The following C7orf33 variants were observed in gnomAD, a reference collection of about 807,000 sequenced individuals.
C7orf33 encodes the protein chromosome 7 open reading frame 33, also known as uncharacterized protein C7orf33.
A neutral mutation model predicts 13.4 loss-of-function variants in C7orf33; 15 were observed. The observed-to-expected ratio is 1.12, with a 90% CI of 0.75 to 1.72. The LOEUF is 1.72. Among genes scored for constraint, C7orf33 ranks in the 40% most tolerant of loss-of-function variants. C7orf33 has a pLI of 0.00. For synonymous variants in C7orf33, 73 were observed against 83.2 expected (o/e 0.88, Z 0.67); for missense variants, 187 against 220.3 (o/e 0.85, Z 0.96).
At position 148,599,775 on chromosome 7, in the gene C7orf33, GA is replaced by G. The variant is rs1196244881; in HGVS notation, c.204+8648del. 6.6e-5 allele frequency among the ~76,000 whole-genome samples: 10 copies of G among 152,186 alleles called. No individual in the cohort carries two copies. The South Asian group carries it at 2.1e-3, about 32-fold the overall frequency. On this transcript the variant is annotated intron_variant, in intron 1 of 2. Transcript: ENST00000307003. ...GGCGTGAGCCACCACGCCCAGCCTA[GA>G]ATTCTCAGATTTCTTAAAGTCCACC...
chr7:148,611,787 G>A (rs1265959871), intron 1 of C7orf33, among the ~76,000 whole-genome samples: 3 of 152,202 alleles, frequency 2.0e-5, no homozygotes, highest in Non-Finnish European at 4.4e-5. Flanking sequence ...CTGGGCTTTG[G>A]GAGTTGCAGA....
rs1426257101 is a variant in C7orf33 at position 148,591,049 on chromosome 7, G to A, written c.124G>A (p.Gly42Arg). The change falls in exon 1 of 3, where the codon GGG (glycine) becomes AGG (arginine). Residue 42 changes from glycine to arginine, a missense_variant. Gly to Arg is a moderately radical substitution (Grantham distance 125). Coordinates refer to ENST00000307003, the MANE Select transcript of C7orf33 (RefSeq NM_145304.4). ...ARRRIDLRLSGRAVAVWVHVR... is the reference protein window; with the variant it reads ...ARRRIDLRLSRRAVAVWVHVR... Reference sequence around the variant, plus strand: ...GCGCCGGATTGACCTTCGCCTGAGTGGGAGGGCAGTCGCTGTTTGGGTCCA... The same window carrying A: ...GCGCCGGATTGACCTTCGCCTGAGTAGGAGGGCAGTCGCTGTTTGGGTCCA... 2.5e-6 allele frequency: 4 copies of A among 1,614,020 alleles called. No homozygotes were observed. The highest frequency in any genetic ancestry group is 1.1e-5 in the South Asian group (1 of 91,072).
chr7:148,606,727 C>CT (rs1796476321), intron 1 of C7orf33, among the ~76,000 whole-genome samples: 1 of 152,154 alleles, frequency 6.6e-6, no homozygotes, highest in African/African-American at 2.4e-5. Flanking sequence ...GCTGGGATTA[C>CT]AGGCACCCAC....
chr7:148,598,725 GATATATATATATATATATAT>G lies in C7orf33; in HGVS notation c.204+7616_204+7635del, dbSNP rs1161811167. Among the ~76,000 whole-genome samples the G allele has an allele frequency of 1.8e-3, 45 of 24,380 alleles. 1 individual carries two copies. Among genetic ancestry groups the G allele is most frequent in the African/African-American group, 4.8e-3 (40 of 8,362 alleles). 16.0% of individuals were successfully genotyped at this position (24,380 alleles called of 152,430 possible). On this transcript the variant is annotated intron_variant, in intron 1 of 2. Transcript: ENST00000307003. ...ATATATAAAAAAAATTTCATTCCTG[GATATATATATATATATATAT>G]ATATATATATATATATATAGAGAGA...
intron 1 of C7orf33, among the ~76,000 whole-genome samples, chr7:148,606,922 T>A (rs1257211745): frequency 9.1e-5 from 4 of 43,858 alleles, no homozygotes; most frequent in East Asian, 1.5e-3. Flanking sequence ...AGACCCCATT[T>A]AAAAAAAAAA....
intron 1 of C7orf33, among the ~76,000 whole-genome samples, chr7:148,600,211 G>A (rs1008201347): frequency 2.6e-5 from 4 of 152,192 alleles, no homozygotes; most frequent in Non-Finnish European, 2.9e-5. Flanking sequence ...GCTCACGCCT[G>A]TAATCCCAGC....
At chr7:148,606,806 C>T (rs1007613670) in intron 1 of C7orf33, among the ~76,000 whole-genome samples, 8 of 152,036 alleles carry the variant, frequency 5.3e-5, no homozygotes, top group East Asian at 1.9e-4. Context: ...AGGCTGGTCT[C>T]GAACTCTTGA....
chr7:148,606,931 A>AAAAC (rs761219669), intron 1 of C7orf33, among the ~76,000 whole-genome samples: 1 of 20,160 alleles, frequency 5.0e-5, no homozygotes, highest in Non-Finnish European at 2.2e-4. Flanking sequence ...TTAAAAAAAA[A>AAAAC]ATACACACAC....
intron 1 of C7orf33, among the ~76,000 whole-genome samples, chr7:148,591,786 G>A (rs1428024030): frequency 1.3e-5 from 2 of 152,074 alleles, no homozygotes; most frequent in East Asian, 3.9e-4. Flanking sequence ...TTGCCATGTT[G>A]CCCAGGCTGG....
At chr7:148,613,541 C>T (rs1357088623) in intron 1 of C7orf33, among the ~76,000 whole-genome samples, 10 of 152,302 alleles carry the variant, frequency 6.6e-5, no homozygotes, top group South Asian at 2.1e-4. Context: ...GAAAACATCA[C>T]GCTAAGTGAA....
intron 1 of C7orf33, among the ~76,000 whole-genome samples, chr7:148,603,816 C>G (rs1440453035): frequency 1.3e-5 from 2 of 152,146 alleles, no homozygotes; most frequent in African/African-American, 4.8e-5. Flanking sequence ...CTCACTCACT[C>G]CATAGACACA....
At chr7:148,604,752 G>A (rs557351816) in intron 1 of C7orf33, among the ~76,000 whole-genome samples, 1 of 152,150 alleles carries the variant, frequency 6.6e-6, no homozygotes, top group African/African-American at 2.4e-5. Flanking sequence ...AACAGAAGAA[G>A]GCAGGCAACC....
At chr7:148,614,993 A>T (rs1434269802) in intron 2 of C7orf33, among the ~76,000 whole-genome samples, 1 of 152,208 alleles carries the variant, frequency 6.6e-6, no homozygotes, top group East Asian at 1.9e-4. Context: ...AAGTAAGTGA[A>T]ATTGATTTTG....
chr7:148,612,662 T>C (rs992399126), intron 1 of C7orf33, among the ~76,000 whole-genome samples: 2 of 152,104 alleles, frequency 1.3e-5, no homozygotes, highest in African/African-American at 4.8e-5. Flanking sequence ...CCATTTGAGA[T>C]ATGCAAATCA....
chr7:148,613,052 A>T (rs1175778257), intron 1 of C7orf33, among the ~76,000 whole-genome samples: 1 of 152,124 alleles, frequency 6.6e-6, no homozygotes, highest in Non-Finnish European at 1.5e-5. Context: ...ACAGTTAACC[A>T]TCTTCACCCT....
chr7:148,615,330 C>A lies in C7orf33; in HGVS notation c.463C>A (p.Arg155Ser). Residue 155 changes from arginine to serine, a missense_variant, in exon 3 of 3, where the codon CGT becomes AGT. Transcript: ENST00000307003. ...AGTCTTCGTAATCCACATGTAGGTA[C>A]GTGGGCATGAAGTAAGAAAGCTCCA... ...RTVTSSYLNV[R>S]GHEVRKLQNS... The A allele has an allele frequency of 6.2e-7, 1 of 1,606,440 alleles. No homozygotes were observed.
At chr7:148,615,231 G>A (rs556791927) in intron 2 of C7orf33, 96 bp from the exon 3 acceptor site, 2 of 839,084 alleles carry the variant, frequency 2.4e-6, no homozygotes, top group African/African-American at 3.4e-5. Context: ...GAGCCACCAT[G>A]CCAGGCTGAG....
intron 1 of C7orf33, among the ~76,000 whole-genome samples, chr7:148,604,625 T>TG (rs1185336179): frequency 6.6e-6 from 1 of 152,216 alleles, no homozygotes; most frequent in Non-Finnish European, 1.5e-5. Context: ...GCTCAGGTGA[T>TG]GGGTCCACCA....
chr7:148,613,793 T>C (rs554805464), intron 1 of C7orf33, among the ~76,000 whole-genome samples: 28 of 152,336 alleles, frequency 1.8e-4, no homozygotes, highest in Non-Finnish European at 3.7e-4. Flanking sequence ...CTTGAATTGG[T>C]GTATTACCTG....
Sources: allele counts gnomAD v4.1 joint callset (sites outside exome capture counted in the v4.1 genomes callset), GRCh38; gene constraint gnomAD v4.1.1; transcripts MANE v1.5; gene names NCBI Gene and HGNC (gene_info 2026-07-23, HGNC 2026-07-21).